Variants in SLC5A12 observed in about 807,000 individuals in gnomAD.
SLC5A12 encodes the protein solute carrier family 5 member 12.
A neutral mutation model predicts 72.7 loss-of-function variants in SLC5A12; 46 were observed. The observed-to-expected ratio is 0.63, with a 90% CI of 0.50 to 0.81. The LOEUF (loss-of-function observed/expected upper bound fraction) is 0.81, where lower values mean the gene tolerates loss of function less well. SLC5A12 is among the 30% of genes least tolerant of loss of function. The pLI is 0.00. For missense variants in SLC5A12, 683 were observed against 740.7 expected (o/e 0.92, Z 0.90); for synonymous variants, 275 against 264.4 (o/e 1.04, Z -0.39).
At chr11:26,701,969 A>G (rs559115381) in intron 6 of SLC5A12, among the ~76,000 whole-genome samples, 2 of 152,364 alleles carry the variant, frequency 1.3e-5, no homozygotes, top group Non-Finnish European at 2.9e-5. Flanking sequence ...GTATTAACAT[A>G]GAGAAATTAG....
chr11:26,721,276 G>T, intron 1 of SLC5A12, 100 bp downstream of exon 1: 2 of 888,826 alleles, frequency 2.3e-6, no homozygotes, highest in Non-Finnish European at 3.4e-6. Context: ...CTCATAATGT[G>T]TAATTATCCT....
intron 6 of SLC5A12, among the ~76,000 whole-genome samples, chr11:26,700,851 G>GT (rs1854942113): frequency 1.3e-5 from 2 of 152,186 alleles, no homozygotes; most frequent in South Asian, 2.1e-4. Context: ...GAAACCAAAT[G>GT]CATGTATATG....
intron 1 of SLC5A12, among the ~76,000 whole-genome samples, chr11:26,717,778 T>TG (rs1272785765): frequency 6.6e-6 from 1 of 152,204 alleles, no homozygotes; most frequent in Non-Finnish European, 1.5e-5. Context: ...GGAAGATCAA[T>TG]GGAGAGAGGT....
intron 1 of SLC5A12, among the ~76,000 whole-genome samples, chr11:26,721,166 C>T (rs1240968268): frequency 6.6e-6 from 1 of 152,146 alleles, no homozygotes; most frequent in East Asian, 1.9e-4. Flanking sequence ...ATTAAAATAG[C>T]CCTGTGGGAT....
intron 11 of SLC5A12, among the ~76,000 whole-genome samples, chr11:26,681,727 A>C (rs1221176160): frequency 1.3e-5 from 2 of 152,058 alleles, no homozygotes; most frequent in Non-Finnish European, 2.9e-5. Context: ...TGGTCTTGTC[A>C]TTTAAGGTTT....
At chr11:26,711,095 A>G (rs143182873) in intron 3 of SLC5A12, among the ~76,000 whole-genome samples, 127 of 152,268 alleles carry the variant, frequency 8.3e-4, no homozygotes, top group African/African-American at 2.9e-3. Flanking sequence ...GGTATCTAGA[A>G]GTATATGAGT....
intron 9 of SLC5A12, among the ~76,000 whole-genome samples, chr11:26,688,995 A>G (rs1185536683): frequency 2.0e-5 from 3 of 151,890 alleles, no homozygotes. Context: ...GTATATCCAT[A>G]TGTGGCATAC....
intron 3 of SLC5A12, among the ~76,000 whole-genome samples, chr11:26,710,870 T>C (rs1476296687): frequency 6.6e-6 from 1 of 152,072 alleles, no homozygotes; most frequent in African/African-American, 2.4e-5. Context: ...TCCTTTTTGT[T>C]TTTAGGATTC....
In SLC5A12 at chr11:26,686,488, C is replaced by G; in HGVS notation, c.1210G>C (p.Gly404Arg). The change falls in exon 10 of 15, where the codon GGT becomes CGT. Residue 404 changes from glycine to arginine, a missense_variant. Transcript: ENST00000396005. Reference sequence around the variant, plus strand: ...CCTTCTTTCGTTACCTGCACAACACCTCCCATGACAGATGCAGCCACAGCC... The same window carrying G: ...CCTTCTTTCGTTACCTGCACAACACGTCCCATGACAGATGCAGCCACAGCC... Reference protein sequence around the residue: ...SMAVAASVMGGVVQASLSIHG... With the variant: ...SMAVAASVMGRVVQASLSIHG... 6.2e-7 allele frequency: 1 copy of G among 1,613,868 alleles called. No homozygotes were observed. The highest frequency in any genetic ancestry group is 8.5e-7 in the Non-Finnish European group (1 of 1,179,840).
At chr11:26,686,609 AGCCCCC>A in intron 9 of SLC5A12, 65 bp from the exon 10 acceptor site, 6 of 1,427,142 alleles carry the variant, frequency 4.2e-6, no homozygotes, top group Non-Finnish European at 5.9e-6. Context: ...GGATGCCTTG[AGCCCCC>A]ACTCAGAACT....
chr11:26,710,373 C>A (rs948906735), intron 3 of SLC5A12, among the ~76,000 whole-genome samples: 12 of 152,100 alleles, frequency 7.9e-5, no homozygotes, highest in African/African-American at 2.7e-4. Flanking sequence ...CCTTTGGGTG[C>A]ATACCCAGTA....
At chr11:26,684,591 C>G (rs114487434) in intron 10 of SLC5A12, among the ~76,000 whole-genome samples, 5,423 of 152,112 alleles carry the variant, frequency 0.036, 313 homozygotes, top group African/African-American at 0.12. Context: ...AACTGCGTGG[C>G]ACACATCTTA....
At chr11:26,718,200 A>G (rs996269019) in intron 1 of SLC5A12, among the ~76,000 whole-genome samples, 1 of 152,224 alleles carries the variant, frequency 6.6e-6, no homozygotes, top group African/African-American at 2.4e-5. Flanking sequence ...ATTTGAAGAT[A>G]GCAACAACAA....
At chr11:26,697,893 T>TTTTA (rs1554993302) in intron 7 of SLC5A12, among the ~76,000 whole-genome samples, 1 of 5,874 alleles carries the variant, frequency 1.7e-4, no homozygotes, top group African/African-American at 3.1e-4. Flanking sequence ...AGATGCCGTC[T>TTTTA]TTTTTTTTTT....
At position 26,668,444 on chromosome 11, in the gene SLC5A12, T is replaced by C. The variant is rs1854049763; in HGVS notation, c.*2658A>G. ...CCACAAGTTTAACCCTCTTCCATGGTATGGATGGAACTTGTCACTGAACTG... is the reference window on the plus strand; with the variant it reads ...CCACAAGTTTAACCCTCTTCCATGGCATGGATGGAACTTGTCACTGAACTG... On this transcript the variant is annotated 3_prime_UTR_variant, in exon 15 of 15. Coordinates refer to ENST00000396005, the MANE Select transcript of SLC5A12 (RefSeq NM_178498.4). 1 of 152,084 alleles carries C rather than the reference T, an allele frequency of 6.6e-6. No individual in the cohort carries two copies. Among genetic ancestry groups the C allele is most frequent in the Non-Finnish European group, 1.5e-5 (1 of 67,970 alleles). The allele number at this position is 152,084 out of a possible 1,614,324, so 9.4% of individuals were successfully genotyped here.
At chr11:26,692,386 A>G in intron 9 of SLC5A12, 103 bp downstream of exon 9, 1 of 760,688 alleles carries the variant, frequency 1.3e-6, no homozygotes, top group Non-Finnish European at 2.3e-6. Flanking sequence ...CTCACAGTGC[A>G]TTTGTGTTTA....
chr11:26,692,617 A>G lies in SLC5A12; in HGVS notation c.1041-16T>C. The G allele has an allele frequency of 6.3e-7, 1 of 1,580,424 alleles. No individual in the cohort carries two copies. Among genetic ancestry groups the G allele is most frequent in the Non-Finnish European group, 8.7e-7 (1 of 1,149,352 alleles). ...AGCCACGGTGCTATAAGGAAAGAAA[A>G]GTGAGAACATGGTCTAAGCTATATA... On this transcript the variant is annotated splice_polypyrimidine_tract_variant and intron_variant, in intron 8 of 14. Transcript: ENST00000396005.
chr11:26,688,416 T>C (rs925772627), intron 9 of SLC5A12, among the ~76,000 whole-genome samples: 8 of 152,172 alleles, frequency 5.3e-5, no homozygotes, highest in African/African-American at 1.9e-4. Context: ...TGCTATCAGC[T>C]CTAACTCAGA....
At chr11:26,697,278 AAT>A (rs748383688) in intron 7 of SLC5A12, 26 bp from the exon 8 acceptor site, 26 of 1,570,812 alleles carry the variant, frequency 1.7e-5, no homozygotes, top group Non-Finnish European at 2.0e-5. Context: ...AACATAAAAA[AAT>A]AAATAAAAAG....
Sources: allele counts gnomAD v4.1 joint callset (sites outside exome capture counted in the v4.1 genomes callset), GRCh38; gene constraint gnomAD v4.1.1; transcripts MANE v1.5; gene names NCBI Gene and HGNC (gene_info 2026-07-23, HGNC 2026-07-21).